The following SLC14A2 variants were observed in gnomAD, a reference collection of about 807,000 sequenced individuals.
SLC14A2 encodes solute carrier family 14 member 2.
SLC14A2 carries 91 observed loss-of-function variants against 104.6 expected under a neutral mutation model. The ratio of observed to expected loss-of-function variants is 0.87; its 90% CI spans 0.73 to 1.04. SLC14A2 has a LOEUF of 1.04. SLC14A2 is among the 50% of genes least tolerant of loss of function. SLC14A2 has a pLI of 0.00. For synonymous variants in SLC14A2, 476 were observed against 466.4 expected (o/e 1.02, Z -0.27); for missense variants, 1,189 against 1,156.0 (o/e 1.03, Z -0.41).
the SLC14A2 span, among the ~76,000 whole-genome samples, chr18:45,170,744 A>G: frequency 6.6e-6 from 1 of 152,024 alleles, no homozygotes; most frequent in Non-Finnish European, 1.5e-5. Context: ...GTCTCATCCT[A>G]TTTTCCTGTG....
At chr18:45,408,130 T>C (rs541175389) in intron 1 of SLC14A2, among the ~76,000 whole-genome samples, 2 of 152,322 alleles carry the variant, frequency 1.3e-5, no homozygotes, top group Admixed American at 6.5e-5. Context: ...ATCCATTTGG[T>C]GGAAATCGGG....
At chr18:45,592,011 AAC>A (rs2044653960) in intron 2 of SLC14A2, among the ~76,000 whole-genome samples, 1 of 152,174 alleles carries the variant, frequency 6.6e-6, no homozygotes, top group Non-Finnish European at 1.5e-5. Flanking sequence ...ATGATACAGG[AAC>A]AGAGAGTCCA....
At chr18:45,606,237 C>T (rs1204077827) in intron 2 of SLC14A2, among the ~76,000 whole-genome samples, 9 of 152,156 alleles carry the variant, frequency 5.9e-5, no homozygotes, top group African/African-American at 2.2e-4. Flanking sequence ...TCCCTCCCCT[C>T]CTCTCCCCTG....
At chr18:45,287,865 A>G (rs2084830609) in intron 1 of SLC14A2, among the ~76,000 whole-genome samples, 2 of 151,768 alleles carry the variant, frequency 1.3e-5, no homozygotes, top group African/African-American at 4.8e-5. Context: ...CCAGCCCCGC[A>G]GGACCTACAC....
At chr18:45,537,019 T>G (rs1598975645) in intron 2 of SLC14A2, among the ~76,000 whole-genome samples, 2 of 72,300 alleles carry the variant, frequency 2.8e-5, no homozygotes, top group Non-Finnish European at 5.2e-5. Context: ...TCCCCCTCTC[T>G]CCCCTCCCTC....
intron 1 of SLC14A2, among the ~76,000 whole-genome samples, chr18:45,281,573 TCA>T (rs2084762854): frequency 6.6e-6 from 1 of 152,244 alleles, no homozygotes; most frequent in South Asian, 2.1e-4. Context: ...TCTGACTCTG[TCA>T]GTTGAAATAT....
At chr18:45,210,735 GTAACTT>G (rs947834221), upstream of SLC14A2, among the ~76,000 whole-genome samples, 27 of 152,256 alleles carry the variant, frequency 1.8e-4, no homozygotes, top group Admixed American at 1.8e-3. Context: ...ATCTGCTAGT[GTAACTT>G]TAACCAAACC....
At chr18:45,560,697 G>A (rs772224223) in intron 2 of SLC14A2, among the ~76,000 whole-genome samples, 12 of 152,268 alleles carry the variant, frequency 7.9e-5, no homozygotes, top group Non-Finnish European at 1.5e-4. Flanking sequence ...GCTAGAGTTA[G>A]CCTTGATCTT....
chr18:45,458,978 C>T (rs2086993137), intron 1 of SLC14A2, among the ~76,000 whole-genome samples: 1 of 152,176 alleles, frequency 6.6e-6, no homozygotes, highest in African/African-American at 2.4e-5. Flanking sequence ...TAATAAGGTG[C>T]TCTCTAGAAA....
chr18:45,591,808 C>G (rs1463388375), intron 2 of SLC14A2, among the ~76,000 whole-genome samples: 1 of 152,188 alleles, frequency 6.6e-6, no homozygotes, highest in East Asian at 1.9e-4. Flanking sequence ...AAAAAGGGAC[C>G]TGGGAGAGCC....
chr18:45,186,191 A>G, the SLC14A2 span, among the ~76,000 whole-genome samples: 1 of 152,198 alleles, frequency 6.6e-6, no homozygotes, highest in Admixed American at 6.5e-5. Context: ...ACAAATTTGG[A>G]GTAATAACAT....
In SLC14A2 at chr18:45,683,662, C is replaced by G. The variant is rs950225012; in HGVS notation, c.*1143C>G. On this transcript the variant is annotated 3_prime_UTR_variant, in exon 20 of 20. Coordinates refer to ENST00000255226, the MANE Select transcript of SLC14A2 (RefSeq NM_007163.4). ...TCCCTTTGTAATATTCATAATCATACTGTCATTAAACTGTTTAAGTTTGCA... is the reference window on the plus strand; with the variant it reads ...TCCCTTTGTAATATTCATAATCATAGTGTCATTAAACTGTTTAAGTTTGCA... 3 of 152,140 alleles carry G rather than the reference C, an allele frequency of 2.0e-5. No homozygotes were observed. Among genetic ancestry groups the G allele is most frequent in the Non-Finnish European group, 2.9e-5 (2 of 68,018 alleles). 9.4% of individuals were successfully genotyped at this position (152,140 alleles called of 1,614,324 possible). A position where few individuals can be genotyped will look rare whatever the true frequency, so the allele number is the denominator to read the frequency against.
At chr18:45,268,386 C>T (rs1238042238) in intron 1 of SLC14A2, among the ~76,000 whole-genome samples, 3 of 152,124 alleles carry the variant, frequency 2.0e-5, no homozygotes, top group African/African-American at 7.2e-5. Flanking sequence ...AGAACTAATA[C>T]ATATAGCAAA....
At chr18:45,364,093 T>A (rs2085642687) in intron 1 of SLC14A2, among the ~76,000 whole-genome samples, 1 of 152,142 alleles carries the variant, frequency 6.6e-6, no homozygotes, top group Admixed American at 6.5e-5. Context: ...CCCCCTCCCA[T>A]CCCTCAACTC....
At chr18:45,247,329 T>C (rs2084376452) in intron 1 of SLC14A2, among the ~76,000 whole-genome samples, 1 of 152,234 alleles carries the variant, frequency 6.6e-6, no homozygotes, top group Non-Finnish European at 1.5e-5. Context: ...AAAAGTTATA[T>C]AAGTTTGCGA....
intron 18 of SLC14A2, 96 bp from the exon 19 acceptor site, chr18:45,678,879 G>A (rs577394659): frequency 9.0e-7 from 1 of 1,116,256 alleles, no homozygotes; most frequent in African/African-American, 1.6e-5. Flanking sequence ...TAGCATTTGT[G>A]GCATAAAATT....
intron 1 of SLC14A2, among the ~76,000 whole-genome samples, chr18:45,271,610 A>C (rs2084651456): frequency 1.3e-5 from 2 of 152,170 alleles, no homozygotes; most frequent in South Asian, 4.1e-4. Flanking sequence ...AAAGAATTCT[A>C]TAATGAAAAC....
At chr18:45,204,482 T>C in the SLC14A2 span, among the ~76,000 whole-genome samples, 1 of 152,188 alleles carries the variant, frequency 6.6e-6, no homozygotes, top group Non-Finnish European at 1.5e-5. Context: ...CTGAGAACAT[T>C]GCTTATCAGT....
At chr18:45,254,465 G>A (rs1477469173) in intron 1 of SLC14A2, among the ~76,000 whole-genome samples, 1 of 152,194 alleles carries the variant, frequency 6.6e-6, no homozygotes, top group Non-Finnish European at 1.5e-5. Flanking sequence ...TGAAAATTTG[G>A]AAAGGGGTCC....
Sources: gnomAD v4.1 joint callset for allele counts (sites outside exome capture counted in the v4.1 genomes callset) on GRCh38, gnomAD v4.1.1 for gene constraint, MANE v1.5 for transcripts, NCBI Gene and HGNC (gene_info 2026-07-23, HGNC 2026-07-21) for gene names.